The following FER variants were observed in gnomAD, a reference collection of about 807,000 sequenced individuals.
FER encodes the protein tyrosine-protein kinase Fer.
FER carries 63 observed loss-of-function variants against 111.0 expected under a neutral mutation model. That is an observed-to-expected ratio of 0.57 (90% CI 0.46 to 0.70). The LOEUF (loss-of-function observed/expected upper bound fraction) is 0.70. FER is among the 30% of genes least tolerant of loss of function. FER has a pLI of 0.00. For missense variants in FER, 914 were observed against 954.0 expected (o/e 0.96, Z 0.55); for synonymous variants, 327 against 313.9 (o/e 1.04, Z -0.44).
intron 2 of FER, among the ~76,000 whole-genome samples, chr5:108,783,019 A>G (rs1237807271): frequency 6.6e-6 from 1 of 152,200 alleles, no homozygotes; most frequent in African/African-American, 2.4e-5. Context: ...CTGTAGCTCT[A>G]CAGCAGGCTG....
chr5:108,829,262 T>G (rs1324198370), intron 3 of FER, among the ~76,000 whole-genome samples: 2 of 152,216 alleles, frequency 1.3e-5, no homozygotes, highest in Non-Finnish European at 2.9e-5. Flanking sequence ...CTCTGCTATT[T>G]CTGTTATTTT....
At chr5:108,758,098 T>C (rs535603375) in intron 1 of FER, among the ~76,000 whole-genome samples, 27 of 152,320 alleles carry the variant, frequency 1.8e-4, no homozygotes, top group Non-Finnish European at 3.7e-4. Flanking sequence ...AAATGTTCTA[T>C]GCTAGACAAG....
At chr5:109,124,051 C>G (rs1030701152) in intron 17 of FER, among the ~76,000 whole-genome samples, 2 of 151,948 alleles carry the variant, frequency 1.3e-5, no homozygotes, top group East Asian at 3.9e-4. Flanking sequence ...ATGGCAAAAC[C>G]TGATCTCTAC....
At chr5:109,100,104 G>A (rs1181311382) in intron 16 of FER, among the ~76,000 whole-genome samples, 1 of 151,756 alleles carries the variant, frequency 6.6e-6, no homozygotes, top group African/African-American at 2.4e-5. Context: ...GGTAAAAACA[G>A]TGATAAAGGA....
At chr5:108,975,325 G>A (rs1455536282) in intron 13 of FER, among the ~76,000 whole-genome samples, 1 of 151,816 alleles carries the variant, frequency 6.6e-6, no homozygotes, top group Non-Finnish European at 1.5e-5. Flanking sequence ...GTAGATGATG[G>A]GTCAATAGGT....
chr5:109,074,639 A>G (rs1776120316), intron 16 of FER, among the ~76,000 whole-genome samples: 1 of 152,234 alleles, frequency 6.6e-6, no homozygotes, highest in Non-Finnish European at 1.5e-5. Context: ...AAAGTAAATT[A>G]AAGAGGGCGG....
At chr5:108,807,314 T>C (rs1961616) in intron 3 of FER, among the ~76,000 whole-genome samples, 34,789 of 152,086 alleles carry the variant, frequency 0.23, 4,165 homozygotes, top group African/African-American at 0.28. Flanking sequence ...TTATCAGCAG[T>C]GTGAAAACAG....
At chr5:108,899,686 C>G (rs1270868508) in intron 10 of FER, among the ~76,000 whole-genome samples, 1 of 151,646 alleles carries the variant, frequency 6.6e-6, no homozygotes, top group African/African-American at 2.4e-5. Flanking sequence ...TGCCTGTAAT[C>G]CCAGCTACTC....
intron 17 of FER, among the ~76,000 whole-genome samples, chr5:109,156,842 A>T (rs1211394615): frequency 1.3e-5 from 2 of 152,092 alleles, no homozygotes; most frequent in Non-Finnish European, 2.9e-5. Context: ...CAATAAAGTA[A>T]TGGGGGCAAA....
intron 2 of FER, among the ~76,000 whole-genome samples, chr5:108,774,245 T>C (rs1393797277): frequency 6.6e-6 from 1 of 152,220 alleles, no homozygotes; most frequent in East Asian, 1.9e-4. Flanking sequence ...TTCCTTTTTA[T>C]GGCTGCATAG....
At chr5:109,106,158 T>C (rs1033352131) in intron 17 of FER, among the ~76,000 whole-genome samples, 1 of 152,220 alleles carries the variant, frequency 6.6e-6, no homozygotes, top group Admixed American at 6.5e-5. Flanking sequence ...GGCCGAATGG[T>C]ATTTGATGTG....
intron 5 of FER, 88 bp from the exon 6 acceptor site, chr5:108,867,679 A>G: frequency 7.9e-7 from 1 of 1,258,790 alleles, no homozygotes; most frequent in Non-Finnish European, 1.1e-6. Context: ...AATAACATAA[A>G]ACAGTAGTAA....
chr5:108,859,517 ATGAG>A (rs1763309207), intron 5 of FER, among the ~76,000 whole-genome samples: 1 of 152,146 alleles, frequency 6.6e-6, no homozygotes, highest in African/African-American at 2.4e-5. Flanking sequence ...TGCTGAGGGT[ATGAG>A]TTATGTTTTT....
At chr5:108,834,570 C>G (rs990214381) in intron 4 of FER, among the ~76,000 whole-genome samples, 1 of 151,864 alleles carries the variant, frequency 6.6e-6, no homozygotes, top group Admixed American at 6.6e-5. Context: ...CGGTGGTGCA[C>G]GTCTGTAACC....
chr5:108,879,225 C>T (rs1765393461), intron 8 of FER, among the ~76,000 whole-genome samples: 1 of 151,880 alleles, frequency 6.6e-6, no homozygotes, highest in Non-Finnish European at 1.5e-5. Flanking sequence ...GCCATTTGAA[C>T]TGTTACTATT....
Position 108,798,149 on chromosome 5 carries a change from T to G in FER, c.-34T>G, listed in dbSNP as rs773453253. ...ATATGTGCTGATTAGAAGGCTCACT[T>G]GTGCAGTGTGGAGGATAACCAGTGC... is the stretch of plus-strand genomic sequence containing the variant. On this transcript the variant is annotated 5_prime_UTR_variant, in exon 3 of 20. Coordinates refer to ENST00000281092, the MANE Select transcript of FER (RefSeq NM_005246.4). 1 of 1,538,742 alleles carries G rather than the reference T, an allele frequency of 6.5e-7. No homozygotes were observed. The highest frequency in any genetic ancestry group is 1.1e-5 in the South Asian group (1 of 89,232).
chr5:108,793,666 A>G (rs1303573560), intron 2 of FER, among the ~76,000 whole-genome samples: 2 of 151,780 alleles, frequency 1.3e-5, no homozygotes, highest in African/African-American at 4.8e-5. Flanking sequence ...TCTCTTTTCT[A>G]CATCCTTACT....
At chr5:109,092,284 CAAAAAAAAAAAAAAA>C (rs70999914) in intron 16 of FER, among the ~76,000 whole-genome samples, 2 of 40,428 alleles carry the variant, frequency 4.9e-5, no homozygotes, top group African/African-American at 7.8e-5. Flanking sequence ...CTTATGATGG[CAAAAAAAAAAAAAAA>C]AAAAAAAAAA....
At chr5:109,117,718 C>T (rs1750418730) in intron 17 of FER, among the ~76,000 whole-genome samples, 1 of 151,164 alleles carries the variant, frequency 6.6e-6, no homozygotes, top group Non-Finnish European at 1.5e-5. Context: ...TGAAGAGGTC[C>T]TTCACATCCC....
Sources: gnomAD v4.1 joint callset for allele counts (sites outside exome capture counted in the v4.1 genomes callset) on GRCh38, gnomAD v4.1.1 for gene constraint, MANE v1.5 for transcripts, NCBI Gene and HGNC (gene_info 2026-07-23, HGNC 2026-07-21) for gene names.